The following FGF1 variants were observed in gnomAD, a reference collection of about 807,000 sequenced individuals.
FGF1 encodes fibroblast growth factor 1.
FGF1 carries 9 observed loss-of-function variants against 13.4 expected under a neutral mutation model. The observed-to-expected ratio is 0.67, with a 90% CI of 0.40 to 1.17. The LOEUF (loss-of-function observed/expected upper bound fraction) is 1.17, where lower values mean the gene tolerates loss of function less well. Among genes scored for constraint, FGF1 ranks in the 50% most tolerant of loss-of-function variants. The pLI is 0.01. For synonymous variants in FGF1, 93 were observed against 79.0 expected (o/e 1.18, Z -0.94); for missense variants, 156 against 192.7 (o/e 0.81, Z 1.13).
chr5:142,653,717 T>A (rs557479251), intron 1 of FGF1, among the ~76,000 whole-genome samples: 1 of 152,168 alleles, frequency 6.6e-6, no homozygotes, highest in African/African-American at 2.4e-5. Flanking sequence ...ACGACACCGG[T>A]TGGGGCTTAA....
chr5:142,693,121 T>C (rs1752501007), intron 2 of FGF1, among the ~76,000 whole-genome samples: 1 of 152,138 alleles, frequency 6.6e-6, no homozygotes, highest in Non-Finnish European at 1.5e-5. Flanking sequence ...ATCCTATCTT[T>C]TCCATCTATC....
intron 3 of FGF1, among the ~76,000 whole-genome samples, chr5:142,600,337 G>A (rs1350187840): frequency 6.6e-6 from 1 of 152,102 alleles, no homozygotes; most frequent in Admixed American, 6.6e-5. Context: ...ACTCCAGCCT[G>A]GGCGACAGAG....
intron 1 of FGF1, among the ~76,000 whole-genome samples, chr5:142,621,800 TC>T (rs1432231069): frequency 6.6e-6 from 1 of 151,930 alleles, no homozygotes; most frequent in Non-Finnish European, 1.5e-5. Context: ...ATTTTCTGAT[TC>T]CCCCCACCCT....
At chr5:142,654,171 A>G (rs866134148) in intron 1 of FGF1, among the ~76,000 whole-genome samples, 14 of 152,168 alleles carry the variant, frequency 9.2e-5, no homozygotes, top group Admixed American at 1.3e-4. Flanking sequence ...TTATTCATCT[A>G]TCTCATCTTT....
At chr5:142,605,828 G>A (rs535329898) in intron 2 of FGF1, among the ~76,000 whole-genome samples, 15 of 152,262 alleles carry the variant, frequency 9.9e-5, no homozygotes, top group Non-Finnish European at 1.9e-4. Context: ...TAGCTGGCTT[G>A]GTGTCCAGCT....
chr5:142,685,820 A>G (rs539024226), intron 1 of FGF1, 137 bp downstream of exon 1: 6 of 152,020 alleles, frequency 3.9e-5, no homozygotes, highest in Non-Finnish European at 8.8e-5. Flanking sequence ...TCTGCTTGAA[A>G]CATTTTCTTT....
chr5:142,674,368 G>A (rs1006215748), intron 1 of FGF1, among the ~76,000 whole-genome samples: 13 of 152,204 alleles, frequency 8.5e-5, no homozygotes, highest in African/African-American at 2.9e-4. Context: ...CCCACCTGGG[G>A]TAGGTGCTCC....
At position 142,594,685 on chromosome 5, in the gene FGF1, C is replaced by G. The variant is rs1754899860; in HGVS notation, c.*605G>C. On this transcript the variant is annotated 3_prime_UTR_variant, in exon 4 of 4. Transcript: ENST00000337706. ...TCTGCCTTCCTGCGGCTGGGCCTCCCTTTCTTCATTTATTCTACATGGAGA... is the reference window on the plus strand; with the variant it reads ...TCTGCCTTCCTGCGGCTGGGCCTCCGTTTCTTCATTTATTCTACATGGAGA... 1 of 152,320 alleles carries G rather than the reference C, an allele frequency of 6.6e-6. No homozygotes were observed. The highest frequency in any genetic ancestry group is 2.4e-5 in the African/African-American group (1 of 41,458). The allele number at this position is 152,320 out of a possible 1,614,324, so 9.4% of individuals were successfully genotyped here. A position where few individuals can be genotyped will look rare whatever the true frequency, so the allele number is the denominator to read the frequency against.
intron 1 of FGF1, among the ~76,000 whole-genome samples, chr5:142,649,675 G>A (rs1247297434): frequency 6.6e-6 from 1 of 152,066 alleles, no homozygotes; most frequent in Non-Finnish European, 1.5e-5. Context: ...CCAAAGTGCT[G>A]GGATTACAGG....
chr5:142,611,489 TG>T (rs1442505740), intron 2 of FGF1, among the ~76,000 whole-genome samples: 7 of 152,280 alleles, frequency 4.6e-5, no homozygotes, highest in African/African-American at 1.7e-4. Flanking sequence ...GTCCCAGGGC[TG>T]GGGGGCTTGA....
At chr5:142,656,738 A>G (rs751304808) in intron 1 of FGF1, among the ~76,000 whole-genome samples, 3 of 152,196 alleles carry the variant, frequency 2.0e-5, no homozygotes, top group Non-Finnish European at 4.4e-5. Context: ...ATGAGTGGGG[A>G]AAAGGAAGCC....
chr5:142,628,864 T>C (rs776630524), intron 1 of FGF1, among the ~76,000 whole-genome samples: 2 of 152,240 alleles, frequency 1.3e-5, no homozygotes, highest in Non-Finnish European at 2.9e-5. Context: ...TTCTCGGAGC[T>C]GCCATCTTTT....
At chr5:142,640,954 C>G (rs545260092) in intron 1 of FGF1, among the ~76,000 whole-genome samples, 1 of 151,816 alleles carries the variant, frequency 6.6e-6, no homozygotes, top group Non-Finnish European at 1.5e-5. Flanking sequence ...AGTAGATGCT[C>G]GGTGAATATC....
At chr5:142,671,545 G>C (rs192846340) in intron 1 of FGF1, among the ~76,000 whole-genome samples, 2 of 152,168 alleles carry the variant, frequency 1.3e-5, no homozygotes, top group African/African-American at 4.8e-5. Flanking sequence ...CTGGTTCTTC[G>C]TAAGGAAGAG....
intron 1 of FGF1, among the ~76,000 whole-genome samples, chr5:142,653,741 T>C (rs1767678536): frequency 6.6e-6 from 1 of 152,168 alleles, no homozygotes; most frequent in Non-Finnish European, 1.5e-5. Flanking sequence ...CTACTTTTAT[T>C]TTTGTATTTT....
At chr5:142,595,536 T>TG in intron 3 of FGF1, 52 bp from the exon 4 acceptor site, 1 of 1,502,600 alleles carries the variant, frequency 6.7e-7, no homozygotes, top group East Asian at 2.3e-5. Flanking sequence ...TAGTTTCACA[T>TG]GGGGGTCCCC....
chr5:142,618,921 G>GTTTTTTTTTTTTT (rs1343286807), intron 1 of FGF1, among the ~76,000 whole-genome samples: 5 of 108,368 alleles, frequency 4.6e-5, no homozygotes, highest in African/African-American at 1.6e-4. Flanking sequence ...TTATTTTTTA[G>GTTTTTTTTTTTTT]TTGTTTTGTT....
At chr5:142,693,648 C>T (rs934901405) in intron 2 of FGF1, among the ~76,000 whole-genome samples, 2 of 152,056 alleles carry the variant, frequency 1.3e-5, no homozygotes, top group Non-Finnish European at 2.9e-5. Context: ...ATTTTTGTCA[C>T]CCCCCAAAGA....
intron 2 of FGF1, among the ~76,000 whole-genome samples, chr5:142,611,344 G>A (rs1224058876): frequency 6.6e-6 from 1 of 152,162 alleles, no homozygotes; most frequent in Non-Finnish European, 1.5e-5. Context: ...GCCCTTGTGA[G>A]GCACACTGGG....
Sources: gnomAD v4.1 joint callset for allele counts (sites outside exome capture counted in the v4.1 genomes callset) on GRCh38, gnomAD v4.1.1 for gene constraint, MANE v1.5 for transcripts, NCBI Gene and HGNC (gene_info 2026-07-23, HGNC 2026-07-21) for gene names.